The following DPP6 variants were observed in gnomAD, a reference collection of about 807,000 sequenced individuals.
DPP6 encodes the protein A-type potassium channel modulatory protein DPP6.
In DPP6, 69 loss-of-function variants were observed where a neutral mutation model predicts 122.6. The ratio of observed to expected loss-of-function variants is 0.56; its 90% confidence interval spans 0.46 to 0.69. The LOEUF is 0.69. Among genes scored for constraint, DPP6 ranks in the 30% least tolerant of loss-of-function variants. DPP6 has a pLI of 0.00. For missense variants in DPP6, 928 were observed against 1,116.9 expected (o/e 0.83, Z 2.41); for synonymous variants, 418 against 433.1 (o/e 0.97, Z 0.43).
At chr7:153,891,063 C>G (rs1433481232) in intron 1 of DPP6, among the ~76,000 whole-genome samples, 3 of 145,264 alleles carry the variant, frequency 2.1e-5, no homozygotes, top group Non-Finnish European at 4.5e-5. Flanking sequence ...ACTCTGTCAC[C>G]CAGGCTGGAG....
At chr7:154,645,791 T>G (rs916473308) in intron 6 of DPP6, among the ~76,000 whole-genome samples, 5 of 151,936 alleles carry the variant, frequency 3.3e-5, no homozygotes, top group Admixed American at 6.6e-5. Flanking sequence ...CACTTTGGGA[T>G]GCCAAGGCGG....
intron 5 of DPP6, among the ~76,000 whole-genome samples, chr7:154,623,350 G>T (rs1355882422): frequency 6.6e-6 from 1 of 152,176 alleles, no homozygotes; most frequent in African/African-American, 2.4e-5. Context: ...ACTATTCCCT[G>T]GGCAGTCAGT....
At chr7:154,884,233 AC>A (rs1805853560) in intron 21 of DPP6, 2 of 145,564 alleles carry the variant, frequency 1.4e-5, no homozygotes, top group African/African-American at 2.6e-5. Flanking sequence ...CTGCTCACAC[AC>A]ACACATGCTC....
the DPP6 span, among the ~76,000 whole-genome samples, chr7:153,787,837 C>CT: frequency 0.33 from 45,461 of 138,786 alleles, 8,048 homozygotes; most frequent in South Asian, 0.46. Flanking sequence ...TTTACAATTT[C>CT]TTTTTTTTTT....
At chr7:153,953,877 G>A (rs1802336004) in intron 1 of DPP6, among the ~76,000 whole-genome samples, 1 of 152,186 alleles carries the variant, frequency 6.6e-6, no homozygotes, top group African/African-American at 2.4e-5. Context: ...TGGTGGTGCT[G>A]GCAAGTCTGA....
the DPP6 span, among the ~76,000 whole-genome samples, chr7:153,851,353 T>C: frequency 4.6e-5 from 7 of 152,350 alleles, no homozygotes; most frequent in East Asian, 1.4e-3. Flanking sequence ...TTTCAAAATA[T>C]TGCTGTCCTC....
At chr7:154,721,562 G>GAA (rs1314928136) in intron 7 of DPP6, among the ~76,000 whole-genome samples, 21 of 152,278 alleles carry the variant, frequency 1.4e-4, no homozygotes, top group Admixed American at 1.4e-3. Flanking sequence ...AAGCGTAAGG[G>GAA]AAATGTTCAT....
intron 1 of DPP6, among the ~76,000 whole-genome samples, chr7:153,960,563 C>T (rs1395333087): frequency 6.7e-6 from 1 of 150,158 alleles, no homozygotes; most frequent in Non-Finnish European, 1.5e-5. Context: ...ATAGGAAATA[C>T]AATATTTCCT....
rs147930538 is a variant in DPP6 at position 154,167,057 on chromosome 7, T to C, written c.243+113994T>C. 5.3e-3 allele frequency among the ~76,000 whole-genome samples: 777 copies of C among 147,458 alleles called. 10 individuals carry two copies. Among genetic ancestry groups the C allele is most frequent in the African/African-American group, 0.02 (737 of 37,490 alleles). On this transcript the variant is annotated intron_variant, in intron 1 of 25. Coordinates refer to ENST00000377770, the MANE Select transcript of DPP6 (RefSeq NM_130797.4). ...TGTGCTGAGTTTGGTGGGGGAAATC[T>C]TTCCATGCACCCCCACAACTGTCTA...
In DPP6 at chr7:154,396,532, C is replaced by T. The variant is rs568838439; in HGVS notation, c.244-49682C>T. Among the ~76,000 whole-genome samples, 17 of 152,244 alleles carry T rather than the reference C, an allele frequency of 1.1e-4. No individual in the cohort carries two copies. The East Asian group carries it at 3.1e-3, about 28-fold the overall frequency. ...TTCCTGAACCAAGGGAATGCTATCT[C>T]GTGCTCATATTGAAAGAAAGATAAA... On this transcript the variant is annotated intron_variant, in intron 1 of 25. Coordinates refer to ENST00000377770, the MANE Select transcript of DPP6 (RefSeq NM_130797.4).
chr7:154,891,556 G>A (rs1487861827), intron 25 of DPP6, among the ~76,000 whole-genome samples: 1 of 152,146 alleles, frequency 6.6e-6, no homozygotes, highest in Non-Finnish European at 1.5e-5. Flanking sequence ...TCTGTGGGGT[G>A]GGCCCGTGGG....
At chr7:154,575,539 GGT>G (rs1423058414) in intron 5 of DPP6, among the ~76,000 whole-genome samples, 3 of 119,192 alleles carry the variant, frequency 2.5e-5, no homozygotes, top group Admixed American at 1.8e-4. Context: ...TAGTGTATGT[GGT>G]GTGTGTGGTG....
At chr7:154,806,206 C>G (rs1488973233) in intron 15 of DPP6, among the ~76,000 whole-genome samples, 1 of 152,220 alleles carries the variant, frequency 6.6e-6, no homozygotes, top group Non-Finnish European at 1.5e-5. Flanking sequence ...AGAAGGTTGT[C>G]TTCTCTCTCC....
intron 1 of DPP6, among the ~76,000 whole-genome samples, chr7:153,968,416 CTTGT>C (rs773900841): frequency 3.9e-5 from 6 of 152,088 alleles, no homozygotes; most frequent in East Asian, 3.9e-4. Context: ...TTGCTTTTTG[CTTGT>C]TTATTTTAAA....
intron 4 of DPP6, among the ~76,000 whole-genome samples, chr7:154,564,256 A>T (rs2130506235): frequency 6.6e-6 from 1 of 152,320 alleles, no homozygotes; most frequent in East Asian, 1.9e-4. Context: ...AAGAATGAAT[A>T]GGAGGAGAAA....
At chr7:153,775,720 G>A in the DPP6 span, among the ~76,000 whole-genome samples, 2 of 152,038 alleles carry the variant, frequency 1.3e-5, no homozygotes. Context: ...ACTAATTAGT[G>A]AGTTTAGCAA....
At chr7:154,717,941 A>C (rs181354191) in intron 7 of DPP6, among the ~76,000 whole-genome samples, 1 of 152,210 alleles carries the variant, frequency 6.6e-6, no homozygotes. Context: ...GATAACAGCC[A>C]TTCTAACGGG....
intron 7 of DPP6, among the ~76,000 whole-genome samples, chr7:154,681,640 G>A (rs1839287708): frequency 2.0e-5 from 3 of 152,180 alleles, no homozygotes; most frequent in Admixed American, 2.0e-4. Flanking sequence ...TCTCCTTCGT[G>A]CACCTAATCG....
chr7:154,275,359 A>G (rs766606114), intron 1 of DPP6, among the ~76,000 whole-genome samples: 3 of 152,168 alleles, frequency 2.0e-5, no homozygotes, highest in Admixed American at 2.0e-4. Flanking sequence ...TCACTTACCT[A>G]GAATACACAT....
Sources: allele counts gnomAD v4.1 joint callset (sites outside exome capture counted in the v4.1 genomes callset), GRCh38; gene constraint gnomAD v4.1.1; transcripts MANE v1.5; gene names NCBI Gene and HGNC (gene_info 2026-07-23, HGNC 2026-07-21).